The following EGFR variants were observed in gnomAD, a reference collection of about 807,000 sequenced individuals.
The protein encoded by EGFR is epidermal growth factor receptor, also known as avian erythroblastic leukemia viral (v-erb-b) oncogene homolog.
EGFR carries 58 observed loss-of-function variants against 143.0 expected under a neutral mutation model. The ratio of observed to expected loss-of-function variants is 0.41; its 90% confidence interval spans 0.33 to 0.50. The LOEUF is 0.50. Ranked by LOEUF, EGFR falls within the 20% of genes least tolerant of loss-of-function variation. The probability of loss-of-function intolerance (pLI) is 0.39; values close to 1 mark genes in which losing one functional copy is unlikely to be tolerated. For missense variants in EGFR, 1,307 were observed against 1,579.0 expected, an observed-to-expected ratio of 0.83 and a Z score of 2.92; for synonymous variants, 613 against 594.4, an observed-to-expected ratio of 1.03 and a Z score of -0.45.
At chr7:55,154,254 G>GATGTGTTT (rs1785300870) in intron 7 of EGFR, 102 bp downstream of exon 7, 1 of 1,571,692 alleles carries the variant, frequency 6.4e-7, no homozygotes, top group Non-Finnish European at 8.7e-7. Flanking sequence ...TCTTTGGGTG[G>GATGTGTTT]ATGTGTTTGC....
intron 17 of EGFR, 35 bp downstream of exon 17, chr7:55,173,159 C>A: frequency 6.2e-7 from 1 of 1,603,068 alleles, no homozygotes. Flanking sequence ...CAGGAGCCCT[C>A]GCACCCCGAC....
chr7:55,172,039 C>A (rs1187750938), intron 16 of EGFR, among the ~76,000 whole-genome samples: 1 of 152,144 alleles, frequency 6.6e-6, no homozygotes, highest in East Asian at 1.9e-4. Flanking sequence ...AGACTGGGTC[C>A]CCTTCCACTC....
rs2128926411 is a variant in EGFR, at chr7:55,142,412, G to C, written c.215G>C (p.Arg72Thr). The stretch of plus-strand genomic sequence containing the variant: ...AATTTGGAAATTACCTATGTGCAGA[G>C]GAATTATGATCTTTCCTTCTTAAAG... ...LGNLEITYVQ[R>T]NYDLSFLKTI... The change falls in exon 2 of 28, where the codon AGG (arginine) becomes ACG (threonine). Residue 72 changes from arginine (R) to threonine (T), a missense_variant. Around this residue, in one of 7 missense-constraint regions of EGFR, gnomAD observed 311 missense variants for 412.3 expected, o/e 0.75. Coordinates refer to ENST00000275493, the MANE Select transcript of EGFR (RefSeq NM_005228.5). The C allele has an allele frequency of 6.2e-7, 1 of 1,614,146 alleles. No individual in the cohort carries two copies. Among genetic ancestry groups the C allele is most frequent in the Non-Finnish European group, 8.5e-7 (1 of 1,180,022 alleles).
intron 26 of EGFR, 52 bp from the exon 27 acceptor site, chr7:55,202,465 T>C: frequency 1.3e-6 from 2 of 1,483,682 alleles, no homozygotes; most frequent in South Asian, 1.2e-5. Context: ...TTGCAAACAC[T>C]GAAGTTGGGG....
At chr7:55,062,477 T>C (rs1789244487) in intron 1 of EGFR, among the ~76,000 whole-genome samples, 1 of 152,152 alleles carries the variant, frequency 6.6e-6, no homozygotes, top group Admixed American at 6.5e-5. Flanking sequence ...GCAAAATAAT[T>C]AACTACTGAT....
At chr7:55,074,624 T>C (rs992561877) in intron 1 of EGFR, among the ~76,000 whole-genome samples, 1 of 152,240 alleles carries the variant, frequency 6.6e-6, no homozygotes, top group African/African-American at 2.4e-5. Context: ...TGTTTTCAAC[T>C]TGGATATACG....
intron 1 of EGFR, among the ~76,000 whole-genome samples, chr7:55,077,257 C>T (rs1790181154): frequency 6.6e-6 from 1 of 152,122 alleles, no homozygotes; most frequent in Admixed American, 6.5e-5. Context: ...TAAACTGAGA[C>T]ATCAGTGTGC....
chr7:55,036,276 G>C (rs1184170574), intron 1 of EGFR, among the ~76,000 whole-genome samples: 2 of 97,220 alleles, frequency 2.1e-5, no homozygotes, highest in South Asian at 5.1e-4. Context: ...GTGTGTGGGG[G>C]GGGGGGGGTG....
At position 55,173,073 on chromosome 7, in the gene EGFR, G is replaced by T. The variant is rs776875545; in HGVS notation, c.2010G>T (p.Arg670Ser). Residue 670 changes from arginine (R) to serine (S), a missense_variant, in exon 17 of 28, where the codon AGG (arginine) becomes AGT (serine). This residue lies in a region of EGFR where 348 missense variants were observed against 451.5 expected (regional missense o/e 0.77). Transcript: ENST00000275493. ...TGGGGATCGGCCTCTTCATGCGAAG[G>T]CGCCACATCGTTCGGAAGCGCACGC... ...VALGIGLFMRRRHIVRKRTLR... is the reference protein window; with the variant it reads ...VALGIGLFMRSRHIVRKRTLR... 1.9e-6 allele frequency: 3 copies of T among 1,613,426 alleles called. No homozygotes were observed. The Admixed American group carries it at 5.0e-5, about 27-fold the overall frequency.
At chr7:55,157,567 A>C in intron 10 of EGFR, 96 bp from the exon 11 acceptor site, 1 of 1,001,136 alleles carries the variant, frequency 1.0e-6, no homozygotes, top group Non-Finnish European at 1.6e-6. Flanking sequence ...CTTACTGTTC[A>C]TATAATACAG....
chr7:55,055,688 C>T (rs573446129), intron 1 of EGFR, among the ~76,000 whole-genome samples: 5 of 147,316 alleles, frequency 3.4e-5, no homozygotes, highest in South Asian at 2.2e-4. Flanking sequence ...TCCCTGCAGC[C>T]GTCTCCCTCT....
intron 1 of EGFR, among the ~76,000 whole-genome samples, chr7:55,059,385 C>T (rs920616469): frequency 3.9e-5 from 6 of 152,196 alleles, no homozygotes; most frequent in Admixed American, 6.5e-5. Flanking sequence ...GTTTCTTTCT[C>T]ATGGTCCCTG....
intron 1 of EGFR, among the ~76,000 whole-genome samples, chr7:55,059,962 C>G (rs1390389341): frequency 6.6e-6 from 1 of 152,100 alleles, no homozygotes; most frequent in African/African-American, 2.4e-5. Flanking sequence ...CTTCCAGGAC[C>G]TCGGAAGAAC....
intron 11 of EGFR, among the ~76,000 whole-genome samples, chr7:55,159,583 TGC>T (rs2128940948): frequency 6.6e-6 from 1 of 152,332 alleles, no homozygotes; most frequent in East Asian, 1.9e-4. Context: ...CCCTGCTCTT[TGC>T]TTCCATGTTG....
At chr7:55,160,792 G>A (rs372978851) in intron 12 of EGFR, among the ~76,000 whole-genome samples, 5 of 152,372 alleles carry the variant, frequency 3.3e-5, no homozygotes, top group East Asian at 1.9e-4. Flanking sequence ...CACGGGCAGC[G>A]TCAGCTTTGA....
At chr7:55,183,392 A>G (rs1375573805) in intron 20 of EGFR, among the ~76,000 whole-genome samples, 1 of 152,226 alleles carries the variant, frequency 6.6e-6, no homozygotes, top group Non-Finnish European at 1.5e-5. Flanking sequence ...GATCCCAGTC[A>G]TTGCATTTAG....
intron 11 of EGFR, 127 bp downstream of exon 11, chr7:55,157,880 T>C (rs1562768721): frequency 2.1e-6 from 2 of 936,188 alleles, no homozygotes; most frequent in Non-Finnish European, 1.7e-6. Flanking sequence ...TCCCAAATGC[T>C]ATCTCACATG....
rs17335836 is a variant in EGFR, at chr7:55,055,003, C to T, written c.88+35638C>T. ...CACTGGGGAGCTGCCCTCCTGTTCA[C>T]AGCGGCACCTGAGTCACACATCTGG... is the stretch of plus-strand genomic sequence containing the variant. On this transcript the variant is annotated intron_variant, in intron 1 of 27. Coordinates refer to ENST00000275493, the MANE Select transcript of EGFR (RefSeq NM_005228.5). Among the ~76,000 whole-genome samples the T allele has an allele frequency of 6.9e-3, 1,049 of 152,350 alleles. 9 individuals are homozygous for T. Among genetic ancestry groups the T allele is most frequent in the Middle Eastern group, 0.031 (9 of 294 alleles).
At chr7:55,105,108 A>C (rs1792055260) in intron 1 of EGFR, among the ~76,000 whole-genome samples, 1 of 152,200 alleles carries the variant, frequency 6.6e-6, no homozygotes, top group African/African-American at 2.4e-5. Flanking sequence ...AGTCTAATGA[A>C]TGTTCTAAAT....
Sources: gnomAD v4.1 joint callset for allele counts (sites outside exome capture counted in the v4.1 genomes callset) on GRCh38, gnomAD v4.1.1 for gene constraint, gnomAD v4.1.1 regional missense constraint, MANE v1.5 for transcripts, NCBI Gene and HGNC (gene_info 2026-07-23, HGNC 2026-07-21) for gene names.